Variants in RORA observed in about 807,000 individuals in gnomAD.
RORA encodes RAR related orphan receptor A, also known as nuclear receptor ROR-alpha.
Under a neutral mutation model 69.5 loss-of-function variants are expected in RORA, and 7 were observed. That is an observed-to-expected ratio of 0.10 (90% CI 0.06 to 0.19). The LOEUF (loss-of-function observed/expected upper bound fraction) is 0.19, where lower values mean the gene tolerates loss of function less well. RORA is among the 10% of genes least tolerant of loss of function. RORA has a pLI of 1.00. For synonymous variants in RORA, 261 were observed against 240.8 expected, an observed-to-expected ratio of 1.08 and a Z score of -0.78; for missense variants, 457 against 663.0, an observed-to-expected ratio of 0.69 and a Z score of 3.41.
intron 1 of RORA, among the ~76,000 whole-genome samples, chr15:60,858,692 T>TACACACACACAAACACACACAC (rs2073405634): frequency 7.0e-6 from 1 of 142,818 alleles, no homozygotes; most frequent in Admixed American, 7.0e-5. Context: ...AGAAAGAAAA[T>TACACACACACAAACACACACAC]ACACACACAC....
At chr15:60,579,667 CTCTT>C (rs1473391059) in intron 2 of RORA, among the ~76,000 whole-genome samples, 2 of 152,166 alleles carry the variant, frequency 1.3e-5, no homozygotes, top group Non-Finnish European at 2.9e-5. Flanking sequence ...TAAGTCCCAA[CTCTT>C]TCCCAAACCT....
chr15:60,559,138 GTATTT>G (rs2067460015), intron 2 of RORA, among the ~76,000 whole-genome samples: 1 of 151,808 alleles, frequency 6.6e-6, no homozygotes, highest in African/African-American at 2.4e-5. Context: ...GAAATAAAGA[GTATTT>G]TACTCTTCTC....
At chr15:60,833,029 T>G (rs1003393656) in intron 1 of RORA, among the ~76,000 whole-genome samples, 2 of 151,848 alleles carry the variant, frequency 1.3e-5, no homozygotes, top group African/African-American at 4.8e-5. Flanking sequence ...CTCAGCCTCC[T>G]GAGTAGCTGG....
At chr15:60,960,825 C>T (rs888790520) in intron 1 of RORA, among the ~76,000 whole-genome samples, 2 of 152,090 alleles carry the variant, frequency 1.3e-5, no homozygotes. Flanking sequence ...CACCATCATT[C>T]CTCCTTTTTA....
intron 2 of RORA, among the ~76,000 whole-genome samples, chr15:60,628,507 A>C (rs1363535629): frequency 2.6e-5 from 4 of 152,210 alleles, no homozygotes; most frequent in Admixed American, 2.6e-4. Flanking sequence ...CTAGGACCAT[A>C]GGTATGTTTA....
At chr15:60,793,506 C>T (rs527271771) in intron 1 of RORA, among the ~76,000 whole-genome samples, 1 of 152,006 alleles carries the variant, frequency 6.6e-6, no homozygotes, top group South Asian at 2.1e-4. Flanking sequence ...GCCAGATTCC[C>T]TTTCACATTT....
chr15:60,693,955 C>T (rs1005221120), intron 1 of RORA, among the ~76,000 whole-genome samples: 5 of 151,960 alleles, frequency 3.3e-5, no homozygotes, highest in African/African-American at 1.2e-4. Context: ...CTTTAAAATT[C>T]ATATGGAACC....
At chr15:60,635,465 T>C (rs939821231) in intron 2 of RORA, among the ~76,000 whole-genome samples, 2 of 152,228 alleles carry the variant, frequency 1.3e-5, no homozygotes, top group African/African-American at 2.4e-5. Context: ...CAATTAATTA[T>C]GTAATAAATT....
chr15:60,505,389 A>T, intron 6 of RORA, 119 bp downstream of exon 6: 2 of 1,043,746 alleles, frequency 1.9e-6, no homozygotes, highest in Non-Finnish European at 2.8e-6. Flanking sequence ...AAAGATATTT[A>T]AACAGAAACC....
intron 1 of RORA, among the ~76,000 whole-genome samples, chr15:60,756,801 A>G (rs2071808075): frequency 6.6e-6 from 1 of 152,186 alleles, no homozygotes; most frequent in African/African-American, 2.4e-5. Flanking sequence ...TTCAACCTAC[A>G]GTTCAATATT....
At chr15:61,103,653 T>C (rs1404108709) in intron 1 of RORA, among the ~76,000 whole-genome samples, 1 of 152,118 alleles carries the variant, frequency 6.6e-6, no homozygotes, top group Admixed American at 6.5e-5. Flanking sequence ...GTGCACACGT[T>C]TGGGGCTCCA....
At chr15:61,059,604 C>A (rs907635705) in intron 1 of RORA, among the ~76,000 whole-genome samples, 3 of 152,096 alleles carry the variant, frequency 2.0e-5, no homozygotes, top group Admixed American at 2.0e-4. Flanking sequence ...TTTCTATCAA[C>A]AGAATCTTTC....
At chr15:61,212,904 A>C (rs2080006384) in intron 1 of RORA, among the ~76,000 whole-genome samples, 1 of 152,132 alleles carries the variant, frequency 6.6e-6, no homozygotes. Context: ...ATCCTCTATC[A>C]AGAGTGCTGC....
At position 60,921,147 on chromosome 15, in the gene RORA, T is replaced by C. The variant is rs77668912; in HGVS notation, c.167-242461A>G. ...AAAACTGGAGCTCCTGGTTCACATA[T>C]GCCTACCCCATGCCCCTGCAATTCC... On this transcript the variant is annotated intron_variant, in intron 1 of 10. Coordinates refer to ENST00000335670, the MANE Select transcript of RORA (RefSeq NM_134261.3). Among the ~76,000 whole-genome samples, 237 of 152,324 alleles carry C rather than the reference T, an allele frequency of 1.6e-3. 4 individuals carry two copies. The East Asian group carries it at 0.04, about 26-fold the overall frequency.
intron 1 of RORA, among the ~76,000 whole-genome samples, chr15:60,749,692 C>A (rs559068607): frequency 2.0e-4 from 30 of 152,136 alleles, no homozygotes; most frequent in Non-Finnish European, 4.4e-5. Flanking sequence ...ATTTTAGGCA[C>A]CTAAAGATCT....
chr15:60,894,377 T>C (rs1343657828), intron 1 of RORA, among the ~76,000 whole-genome samples: 1 of 152,226 alleles, frequency 6.6e-6, no homozygotes, highest in African/African-American at 2.4e-5. Context: ...ACGACAATCC[T>C]GTAACTGGCA....
At position 60,511,512 on chromosome 15, in the gene RORA, C is replaced by T. The variant is rs775642779; in HGVS notation, c.534G>A (p.Glu178=). The change falls in exon 5 of 11, where the codon GAG becomes GAA. Residue 178 remains glutamate, a synonymous_variant. Transcript: ENST00000335670. This position sits in a 1 kb window ranked among gnomAD's most constrained non-coding sequence, Gnocchi z 6.4. Reference sequence around the variant, plus strand: ...TGTAGGTGGGCGTCAGCGGCTCAGCCTCTCCAGGCTGCTGCTGGTGGTCGC... The same window carrying T: ...TGTAGGTGGGCGTCAGCGGCTCAGCTTCTCCAGGCTGCTGCTGGTGGTCGC... The part of the protein sequence containing the change: ...QQRDHQQQPG[E]AEPLTPTYNI... 2 of 1,614,056 alleles carry T rather than the reference C, an allele frequency of 1.2e-6. No homozygotes were observed. The highest frequency in any genetic ancestry group is 1.3e-5 in the African/African-American group (1 of 74,928).
At chr15:61,042,386 C>T (rs769061461) in intron 1 of RORA, among the ~76,000 whole-genome samples, 1 of 152,026 alleles carries the variant, frequency 6.6e-6, no homozygotes, top group Non-Finnish European at 1.5e-5. Flanking sequence ...TAAATACACA[C>T]ACACACACAT....
At chr15:60,963,367 T>C (rs1163797065) in intron 1 of RORA, among the ~76,000 whole-genome samples, 1 of 152,024 alleles carries the variant, frequency 6.6e-6, no homozygotes, top group Non-Finnish European at 1.5e-5. Flanking sequence ...TAAGCAGAGG[T>C]CTTAGGCCTG....
Sources: gnomAD v4.1 joint callset for allele counts (sites outside exome capture counted in the v4.1 genomes callset) on GRCh38, gnomAD v4.1.1 for gene constraint, Gnocchi (gnomAD v3.1) non-coding constraint, MANE v1.5 for transcripts, NCBI Gene and HGNC (gene_info 2026-07-23, HGNC 2026-07-21) for gene names.